The following AMPH variants were observed in gnomAD, a reference collection of about 807,000 sequenced individuals.
The protein encoded by AMPH is amphiphysin (Stiff-Mann syndrome with breast cancer 128kD autoantigen).
In AMPH, 49 loss-of-function variants were observed where a neutral mutation model predicts 99.1. The observed-to-expected ratio is 0.49, with a 90% CI of 0.39 to 0.63. The LOEUF is 0.63. Among genes scored for constraint, AMPH ranks in the 20% least tolerant of loss-of-function variants. The probability of loss-of-function intolerance (pLI) is 0.00; values close to 1 mark genes in which losing one functional copy is unlikely to be tolerated. For missense variants in AMPH, 759 were observed against 863.4 expected, an observed-to-expected ratio of 0.88 and a Z score of 1.52; for synonymous variants, 314 against 317.3, an observed-to-expected ratio of 0.99 and a Z score of 0.11.
At chr7:38,500,888 A>G (rs906735965) in intron 3 of AMPH, among the ~76,000 whole-genome samples, 19 of 152,368 alleles carry the variant, frequency 1.2e-4, no homozygotes, top group African/African-American at 4.6e-4. Context: ...GACATTGATA[A>G]TATGGCTATG....
intron 1 of AMPH, among the ~76,000 whole-genome samples, chr7:38,590,144 C>A (rs1046880972): frequency 6.9e-5 from 10 of 144,008 alleles, no homozygotes; most frequent in African/African-American, 2.7e-4. Flanking sequence ...AGGAATGGAA[C>A]CTTGAGCCAT....
intron 1 of AMPH, among the ~76,000 whole-genome samples, chr7:38,603,202 A>G (rs1488540105): frequency 1.3e-5 from 2 of 151,582 alleles, no homozygotes; most frequent in African/African-American, 4.9e-5. Flanking sequence ...TGTAATCCCT[A>G]CTACTCAGGA....
At chr7:38,610,462 C>T (rs908337455) in intron 1 of AMPH, among the ~76,000 whole-genome samples, 9 of 150,922 alleles carry the variant, frequency 6.0e-5, no homozygotes, top group African/African-American at 1.9e-4. Context: ...GGGGCACATA[C>T]AAATAAAAAG....
chr7:38,583,162 C>G (rs1029252232), intron 1 of AMPH, among the ~76,000 whole-genome samples: 4 of 152,182 alleles, frequency 2.6e-5, no homozygotes, highest in East Asian at 1.9e-4. Flanking sequence ...ATGAAGAGCC[C>G]AAGATTACAT....
chr7:38,552,675 T>A (rs1056199975), intron 1 of AMPH, among the ~76,000 whole-genome samples: 16 of 152,088 alleles, frequency 1.1e-4, no homozygotes, highest in African/African-American at 3.9e-4. Context: ...GATGCACACA[T>A]CAGCACCATT....
At chr7:38,564,813 A>C (rs1471929348) in intron 1 of AMPH, among the ~76,000 whole-genome samples, 2 of 152,230 alleles carry the variant, frequency 1.3e-5, no homozygotes, top group African/African-American at 4.8e-5. Context: ...AGTTTTATCT[A>C]TAAATGCATA....
chr7:38,420,174 T>C (rs1301512493), intron 16 of AMPH, among the ~76,000 whole-genome samples: 1 of 152,230 alleles, frequency 6.6e-6, no homozygotes, highest in Non-Finnish European at 1.5e-5. Flanking sequence ...TATAGCTCAC[T>C]AAATGATGAG....
chr7:38,519,986 A>C (rs1789891595), intron 2 of AMPH, among the ~76,000 whole-genome samples: 1 of 152,186 alleles, frequency 6.6e-6, no homozygotes, highest in Non-Finnish European at 1.5e-5. Flanking sequence ...TCTGAATCTA[A>C]GAAGTTGAAA....
chr7:38,475,485 T>A, intron 6 of AMPH, 69 bp from the exon 7 acceptor site: 1 of 1,040,946 alleles, frequency 9.6e-7, no homozygotes. Flanking sequence ...CATCATTTAA[T>A]GTAAAATAAG....
In AMPH at chr7:38,461,414, A is replaced by G; in HGVS notation, c.889-3T>C. ...GGGACAGGAGGCCCTTTCCTTGTCTAGGAAGCATTAAATACAAACATTAAT... is the reference window on the plus strand; with the variant it reads ...GGGACAGGAGGCCCTTTCCTTGTCTGGGAAGCATTAAATACAAACATTAAT... On this transcript the variant is annotated splice_region_variant and splice_polypyrimidine_tract_variant and intron_variant, in intron 10 of 20. Transcript: ENST00000356264. The G allele has an allele frequency of 1.9e-6, 3 of 1,614,050 alleles. No homozygotes were observed. The highest frequency in any genetic ancestry group is 2.5e-6 in the Non-Finnish European group (3 of 1,179,894).
At chr7:38,613,323 C>CCCTTATAGCATACCA (rs372162439) in intron 1 of AMPH, among the ~76,000 whole-genome samples, 6,790 of 152,222 alleles carry the variant, frequency 0.045, 198 homozygotes, top group Admixed American at 0.082. Context: ...ATCATCATAC[C>CCCTTATAGCATACCA]TACCACGGCA....
rs533242701 is a variant in AMPH, at chr7:38,476,879, C to G, written c.487G>C (p.Glu163Gln). The G allele has an allele frequency of 2.7e-5, 43 of 1,613,768 alleles. No homozygotes were observed. In the South Asian group the frequency reaches 3.1e-4, roughly 12 times the overall value. ...EALQSSKRKDESRISKAEEEF... is the reference protein window; with the variant it reads ...EALQSSKRKDQSRISKAEEEF... ...ATCCCTACCTTAGAGATTCGACTCT[C>G]ATCCTTCCTCTTGGAGCTCTGCAGA... Residue 163 changes from glutamate (E) to glutamine (Q), a missense_variant, in exon 6 of 21, where the codon GAG becomes CAG. Glu to Gln is a conservative substitution (Grantham distance 29, BLOSUM62 2). This residue lies in a region of AMPH where 205 missense variants were observed against 287.9 expected (regional missense o/e 0.71). Transcript: ENST00000356264.
intron 20 of AMPH, among the ~76,000 whole-genome samples, chr7:38,387,844 C>T (rs1256918073): frequency 6.0e-5 from 9 of 149,226 alleles, no homozygotes; most frequent in East Asian, 5.8e-4. Context: ...AAAGATACAG[C>T]GAAATTTATT....
chr7:38,611,134 C>T (rs966395383), intron 1 of AMPH, among the ~76,000 whole-genome samples: 1 of 152,152 alleles, frequency 6.6e-6, no homozygotes, highest in Non-Finnish European at 1.5e-5. Context: ...TGTGATTCCA[C>T]CTTTAAGAAA....
chr7:38,469,692 C>A (rs73120243), intron 7 of AMPH, among the ~76,000 whole-genome samples: 3,944 of 152,288 alleles, frequency 0.026, 75 homozygotes, highest in Admixed American at 0.054. Flanking sequence ...ACCCCAACCA[C>A]AATCCACAAT....
At chr7:38,581,554 A>G (rs1792463819) in intron 1 of AMPH, among the ~76,000 whole-genome samples, 1 of 152,134 alleles carries the variant, frequency 6.6e-6, no homozygotes, top group Non-Finnish European at 1.5e-5. Flanking sequence ...GAGTGACATG[A>G]AAAGTTGCTG....
At chr7:38,626,304 G>A (rs1206018617) in intron 1 of AMPH, among the ~76,000 whole-genome samples, 1 of 152,022 alleles carries the variant, frequency 6.6e-6, no homozygotes, top group Non-Finnish European at 1.5e-5. Flanking sequence ...ATACTACAAG[G>A]CTACAGTAAC....
intron 1 of AMPH, among the ~76,000 whole-genome samples, chr7:38,630,116 A>G (rs976198749): frequency 6.6e-6 from 1 of 152,194 alleles, no homozygotes. Context: ...CCTGAGCAAC[A>G]TGGCAAATCT....
intron 11 of AMPH, among the ~76,000 whole-genome samples, chr7:38,449,749 T>G (rs1234024911): frequency 6.6e-6 from 1 of 152,226 alleles, no homozygotes. Flanking sequence ...TGTCTTAAAA[T>G]AATGTTAACA....
Sources: allele counts gnomAD v4.1 joint callset (sites outside exome capture counted in the v4.1 genomes callset), GRCh38; gene constraint gnomAD v4.1.1; regional missense constraint gnomAD v4.1.1; transcripts MANE v1.5; gene names NCBI Gene and HGNC (gene_info 2026-07-23, HGNC 2026-07-21).